MBOAT2: variants seen among roughly 807,000 people sequenced by gnomAD.
MBOAT2 encodes the protein membrane-bound glycerophospholipid O-acyltransferase 2.
In MBOAT2, 28 loss-of-function variants were observed where a neutral mutation model predicts 63.4. That is an observed-to-expected ratio of 0.44 (90% confidence interval 0.33 to 0.61). The LOEUF is 0.61. Ranked by LOEUF, MBOAT2 falls within the 20% of genes least tolerant of loss-of-function variation. MBOAT2 has a pLI of 0.03. For synonymous variants in MBOAT2, 211 were observed against 215.6 expected (o/e 0.98, Z 0.19); for missense variants, 470 against 605.8 (o/e 0.78, Z 2.35).
chr2:8,905,764 C>T (rs933948960), intron 4 of MBOAT2, among the ~76,000 whole-genome samples: 2 of 152,128 alleles, frequency 1.3e-5, no homozygotes, highest in African/African-American at 4.8e-5. Context: ...TGTAACAAAC[C>T]TGCACGTTGT....
At chr2:8,928,031 G>C (rs1667055428) in intron 3 of MBOAT2, among the ~76,000 whole-genome samples, 1 of 152,124 alleles carries the variant, frequency 6.6e-6, no homozygotes. Flanking sequence ...GCCAGAGCAG[G>C]AGTAAGAAAG....
intron 6 of MBOAT2, 46 bp from the exon 7 acceptor site, chr2:8,877,259 A>C: frequency 6.5e-7 from 1 of 1,544,508 alleles, no homozygotes; most frequent in Non-Finnish European, 8.8e-7. Context: ...CATAAGCTTC[A>C]GAACATCTGA....
intron 3 of MBOAT2, among the ~76,000 whole-genome samples, chr2:8,911,066 A>G (rs1174972073): frequency 6.6e-6 from 1 of 152,188 alleles, no homozygotes; most frequent in East Asian, 1.9e-4. Context: ...ATCACCATGG[A>G]CTAGGGACTG....
intron 1 of MBOAT2, among the ~76,000 whole-genome samples, chr2:8,959,807 T>C (rs926482538): frequency 6.6e-6 from 1 of 152,136 alleles, no homozygotes; most frequent in African/African-American, 2.4e-5. Context: ...CATAGAATCT[T>C]AGGAATAATA....
intron 8 of MBOAT2, among the ~76,000 whole-genome samples, chr2:8,870,681 A>G (rs973141535): frequency 6.6e-6 from 1 of 152,188 alleles, no homozygotes; most frequent in Admixed American, 6.5e-5. Flanking sequence ...CAGGAACTCA[A>G]CCATTACTTG....
chr2:8,952,245 T>C (rs183965948), intron 2 of MBOAT2, among the ~76,000 whole-genome samples: 12 of 152,350 alleles, frequency 7.9e-5, no homozygotes, highest in African/African-American at 2.9e-4. Flanking sequence ...ATCTTCTTGG[T>C]ATTGATTTCC....
chr2:8,908,969 A>G (rs1415286221), intron 3 of MBOAT2, among the ~76,000 whole-genome samples: 1 of 152,196 alleles, frequency 6.6e-6, no homozygotes, highest in Non-Finnish European at 1.5e-5. Flanking sequence ...ACCACTTTAC[A>G]TATTTGAAAT....
At chr2:8,885,123 T>C (rs1663450680) in intron 5 of MBOAT2, among the ~76,000 whole-genome samples, 1 of 152,238 alleles carries the variant, frequency 6.6e-6, no homozygotes, top group Non-Finnish European at 1.5e-5. Flanking sequence ...ATTAATGGAA[T>C]GGCGTATCTT....
chr2:8,974,932 C>T (rs2103320445), intron 1 of MBOAT2, among the ~76,000 whole-genome samples: 1 of 152,178 alleles, frequency 6.6e-6, no homozygotes, highest in African/African-American at 2.4e-5. Flanking sequence ...TTTTTCCAAG[C>T]ATAATGTAAG....
In MBOAT2 at chr2:8,854,119, G is replaced by A. The variant is rs1236772725; in HGVS notation, c.*4560C>T. On this transcript the variant is annotated 3_prime_UTR_variant, in exon 13 of 13. Coordinates refer to ENST00000305997, the MANE Select transcript of MBOAT2 (RefSeq NM_138799.4). ...TTTTAAAATTTCTGTTGTAATCAGA[G>A]TTTCTATAAATAGATTTGACTACTT... 2.0e-5 allele frequency: 3 copies of A among 152,146 alleles called. No homozygotes were observed. The highest frequency in any genetic ancestry group is 4.4e-5 in the Non-Finnish European group (3 of 68,026). 9.4% of individuals were successfully genotyped at this position (152,146 alleles called of 1,614,324 possible).
chr2:8,905,758 A>G (rs1665281506), intron 4 of MBOAT2, among the ~76,000 whole-genome samples: 1 of 152,196 alleles, frequency 6.6e-6, no homozygotes, highest in African/African-American at 2.4e-5. Flanking sequence ...TACGTATGTA[A>G]CAAACCTGCA....
intron 1 of MBOAT2, among the ~76,000 whole-genome samples, chr2:9,001,500 C>A (rs1052691610): frequency 2.0e-5 from 3 of 152,176 alleles, no homozygotes; most frequent in African/African-American, 7.2e-5. Flanking sequence ...ACGAGACCAC[C>A]AGCAGACATG....
chr2:8,945,598 TC>T (rs1668359815), intron 2 of MBOAT2, among the ~76,000 whole-genome samples: 2 of 152,142 alleles, frequency 1.3e-5, no homozygotes, highest in Admixed American at 1.3e-4. Context: ...CCAACTAACA[TC>T]AAAACTCACG....
chr2:8,917,046 C>G (rs1666233980), intron 3 of MBOAT2, among the ~76,000 whole-genome samples: 1 of 152,084 alleles, frequency 6.6e-6, no homozygotes, highest in Non-Finnish European at 1.5e-5. Context: ...GTATTTGCAA[C>G]AAATAGTGCT....
At chr2:8,951,667 G>A (rs1668845466) in intron 2 of MBOAT2, among the ~76,000 whole-genome samples, 2 of 152,148 alleles carry the variant, frequency 1.3e-5, no homozygotes, top group African/African-American at 4.8e-5. Flanking sequence ...AAGAGACTGT[G>A]TATTTCCAGG....
chr2:8,883,166 G>A (rs1663269475), intron 5 of MBOAT2, among the ~76,000 whole-genome samples: 2 of 151,826 alleles, frequency 1.3e-5, no homozygotes, highest in African/African-American at 4.8e-5. Flanking sequence ...AAAGCAAATA[G>A]CAACATTAAT....
intron 1 of MBOAT2, among the ~76,000 whole-genome samples, chr2:8,997,487 C>T (rs939175661): frequency 2.6e-5 from 4 of 152,160 alleles, no homozygotes; most frequent in South Asian, 2.1e-4. Flanking sequence ...TGTGGGCATA[C>T]GACCGAACCC....
chr2:8,950,812 T>C (rs1668772603), intron 2 of MBOAT2, among the ~76,000 whole-genome samples: 1 of 152,214 alleles, frequency 6.6e-6, no homozygotes, highest in African/African-American at 2.4e-5. Flanking sequence ...GTATGTTCCT[T>C]TGATGCCTAC....
rs181370409 is a variant in MBOAT2, at chr2:8,975,654, A to C, written c.76-17012T>G. On this transcript the variant is annotated intron_variant, in intron 1 of 12. Coordinates refer to ENST00000305997, the MANE Select transcript of MBOAT2 (RefSeq NM_138799.4). ...CTTTATAACCACAAATGTAAAATAA[A>C]TACATGAAGCGTAAGGACACATTCT... Among the ~76,000 whole-genome samples, 32 of 152,238 alleles carry C rather than the reference A, an allele frequency of 2.1e-4. 1 individual carries two copies. In the East Asian group the frequency reaches 6.0e-3, roughly 28 times the overall value.
Sources: gnomAD v4.1 joint callset for allele counts (sites outside exome capture counted in the v4.1 genomes callset) on GRCh38, gnomAD v4.1.1 for gene constraint, MANE v1.5 for transcripts, NCBI Gene and HGNC (gene_info 2026-07-23, HGNC 2026-07-21) for gene names.